The following CEP57 variants were observed in gnomAD, a reference collection of about 807,000 sequenced individuals.
CEP57 encodes centrosomal protein 57.
A neutral mutation model predicts 68.0 loss-of-function variants in CEP57; 40 were observed. The ratio of observed to expected loss-of-function variants is 0.59; its 90% confidence interval spans 0.46 to 0.77. The LOEUF (loss-of-function observed/expected upper bound fraction) is 0.77. Among genes scored for constraint, CEP57 ranks in the 30% least tolerant of loss-of-function variants. CEP57 has a pLI of 0.00. For synonymous variants in CEP57, 219 were observed against 198.7 expected (o/e 1.10, Z -0.86); for missense variants, 606 against 580.7 (o/e 1.04, Z -0.45).
rs898924762 is a variant in CEP57 at position 95,818,298 on chromosome 11, G to A, written c.621+395G>A. ...ATCGTGGCGCATGCCTGTAATCGCAGCTGCTTGGAGGCTGAGACAGGAGAA... is the reference window on the plus strand; with the variant it reads ...ATCGTGGCGCATGCCTGTAATCGCAACTGCTTGGAGGCTGAGACAGGAGAA... On this transcript the variant is annotated intron_variant, in intron 5 of 10. Coordinates refer to ENST00000325542, the MANE Select transcript of CEP57 (RefSeq NM_014679.5). 2.0e-5 allele frequency among the ~76,000 whole-genome samples: 3 copies of A among 151,692 alleles called. 1 individual carries two copies. Among genetic ancestry groups the A allele is most frequent in the Non-Finnish European group, 4.4e-5 (3 of 67,966 alleles).
chr11:95,812,267 ATATAT>A (rs1862098827), intron 2 of CEP57, among the ~76,000 whole-genome samples: 1 of 152,046 alleles, frequency 6.6e-6, no homozygotes, highest in African/African-American at 2.4e-5. Flanking sequence ...TTAATAAGTA[ATATAT>A]TAATAAGACA....
At chr11:95,792,345 T>C (rs771913799) in intron 1 of CEP57, among the ~76,000 whole-genome samples, 1 of 152,154 alleles carries the variant, frequency 6.6e-6, no homozygotes, top group Non-Finnish European at 1.5e-5. Context: ...AAATGTTGAA[T>C]TGAGTCTGGG....
At chr11:95,814,005 C>G (rs1420660693) in intron 4 of CEP57, among the ~76,000 whole-genome samples, 1 of 152,170 alleles carries the variant, frequency 6.6e-6, no homozygotes, top group Non-Finnish European at 1.5e-5. Context: ...TTTAGGTGAC[C>G]TGTACATTTG....
At position 95,829,305 on chromosome 11, in the gene CEP57, A is replaced by G. The variant is rs1370845733; in HGVS notation, c.1246A>G (p.Thr416Ala). Residue 416 changes from threonine (T) to alanine (A), a missense_variant, in exon 10 of 11, where the codon ACT (threonine) becomes GCT (alanine). By Grantham distance (58) the Thr-to-Ala change is moderately conservative (BLOSUM62 0). Coordinates refer to ENST00000325542, the MANE Select transcript of CEP57 (RefSeq NM_014679.5). ...GRMEAKANQI[T>A]KVRKYQAQLE... is the part of the protein sequence containing the mutation. ...GATGGAAGCAAAAGCCAACCAAATA[A>G]CTAAAGTTCGAAAATACCAAGCCCA... The G allele has an allele frequency of 3.7e-6, 6 of 1,613,882 alleles. No individual in the cohort carries two copies. In the African/African-American group the frequency reaches 6.7e-5, roughly 18 times the overall value.
At chr11:95,811,204 G>C (rs138233304) in intron 2 of CEP57, among the ~76,000 whole-genome samples, 9,896 of 152,160 alleles carry the variant, frequency 0.065, 408 homozygotes, top group Middle Eastern at 0.13. Flanking sequence ...ATCAAGACTG[G>C]ATTAAGAAAA....
intron 1 of CEP57, among the ~76,000 whole-genome samples, chr11:95,795,899 A>C (rs1295431120): frequency 6.6e-6 from 1 of 152,190 alleles, no homozygotes; most frequent in Non-Finnish European, 1.5e-5. Context: ...ACCTGGAAAT[A>C]ATTGCCTTTT....
chr11:95,823,249 G>T (rs1218916973), intron 8 of CEP57: 2 of 152,278 alleles, frequency 1.3e-5, no homozygotes, highest in Non-Finnish European at 2.9e-5. Context: ...TAAACCCCTA[G>T]TAAATTCGCA....
intron 2 of CEP57, among the ~76,000 whole-genome samples, chr11:95,804,602 TAAA>T (rs1374979830): frequency 5.3e-5 from 8 of 152,116 alleles, no homozygotes; most frequent in Non-Finnish European, 1.5e-5. Context: ...AGAGACTGGA[TAAA>T]AAAAGTCACC....
At chr11:95,791,684 G>A (rs1217885908) in intron 1 of CEP57, among the ~76,000 whole-genome samples, 2 of 152,194 alleles carry the variant, frequency 1.3e-5, no homozygotes, top group Non-Finnish European at 2.9e-5. Context: ...GATTAACAGT[G>A]CTTGGGTAGG....
At position 95,831,555 on chromosome 11, in the gene CEP57, G is replaced by A. The variant is rs1043534989; in HGVS notation, c.*299G>A. On this transcript the variant is annotated 3_prime_UTR_variant, in exon 11 of 11. Transcript: ENST00000325542. ...CAGATTACCAGTTTTTTACTTGTGG[G>A]TGTGATTTTTTAAAATAGTTCTTTA... 5 of 195,976 alleles carry A rather than the reference G, an allele frequency of 2.6e-5. No homozygotes were observed. The highest frequency in any genetic ancestry group is 2.1e-3 in the Middle Eastern group (1 of 472). 12.1% of individuals were successfully genotyped at this position (195,976 alleles called of 1,614,324 possible).
chr11:95,791,611 T>C (rs1359426081), intron 1 of CEP57, among the ~76,000 whole-genome samples: 1 of 152,118 alleles, frequency 6.6e-6, no homozygotes, highest in Non-Finnish European at 1.5e-5. Flanking sequence ...TACACGTAAT[T>C]AGTGATTACT....
intron 1 of CEP57, 135 bp downstream of exon 1, chr11:95,790,878 C>G: frequency 9.7e-7 from 1 of 1,029,120 alleles, no homozygotes; most frequent in Non-Finnish European, 1.5e-6. Flanking sequence ...GATTGCCCCG[C>G]GCTCCCCAAG....
intron 2 of CEP57, among the ~76,000 whole-genome samples, chr11:95,802,692 T>C (rs1006690558): frequency 1.3e-5 from 2 of 152,200 alleles, no homozygotes; most frequent in African/African-American, 4.8e-5. Flanking sequence ...ATTAGGAATT[T>C]TACCCAACAT....
At chr11:95,807,364 G>A (rs1421627228) in intron 2 of CEP57, among the ~76,000 whole-genome samples, 1 of 152,194 alleles carries the variant, frequency 6.6e-6, no homozygotes, top group Non-Finnish European at 1.5e-5. Flanking sequence ...GATGGAGAAT[G>A]ACTTTGACGA....
At chr11:95,795,377 A>G (rs1196707912) in intron 1 of CEP57, 1 of 387,144 alleles carries the variant, frequency 2.6e-6, no homozygotes, top group Admixed American at 4.4e-5. Context: ...TGACTCTTAC[A>G]TATCTATTTT....
At chr11:95,812,395 A>T (rs1049639490) in intron 2 of CEP57, among the ~76,000 whole-genome samples, 1 of 152,084 alleles carries the variant, frequency 6.6e-6, no homozygotes, top group African/African-American at 2.4e-5. Flanking sequence ...TTACTTGAGC[A>T]CATTTCAAAC....
chr11:95,810,044 A>G (rs1362180544), intron 2 of CEP57, among the ~76,000 whole-genome samples: 1 of 152,236 alleles, frequency 6.6e-6, no homozygotes, highest in Non-Finnish European at 1.5e-5. Flanking sequence ...GGCTGGTTCA[A>G]CGTACACAAA....
intron 1 of CEP57, chr11:95,794,286 C>G: frequency 2.2e-6 from 1 of 455,694 alleles, no homozygotes; most frequent in South Asian, 1.5e-5. Flanking sequence ...TGACTCAACC[C>G]GTATCATTTT....
intron 4 of CEP57, among the ~76,000 whole-genome samples, chr11:95,816,024 G>C (rs1318090559): frequency 3.3e-5 from 5 of 151,762 alleles, no homozygotes; most frequent in Non-Finnish European, 5.9e-5. Context: ...TTTCAAAATT[G>C]CTGTGTAATT....
Sources: gnomAD v4.1 joint callset for allele counts (sites outside exome capture counted in the v4.1 genomes callset) on GRCh38, gnomAD v4.1.1 for gene constraint, MANE v1.5 for transcripts, NCBI Gene and HGNC (gene_info 2026-07-23, HGNC 2026-07-21) for gene names.